EHMT1: variants seen among roughly 807,000 people sequenced by gnomAD.
EHMT1 encodes euchromatic histone lysine methyltransferase 1, also known as histone-lysine N-methyltransferase EHMT1.
EHMT1 carries 15 observed loss-of-function variants against 147.2 expected under a neutral mutation model. The ratio of observed to expected loss-of-function variants is 0.10; its 90% confidence interval spans 0.07 to 0.16. The LOEUF (loss-of-function observed/expected upper bound fraction) is 0.16. Ranked by LOEUF, EHMT1 falls within the 10% of genes least tolerant of loss-of-function variation. The probability of loss-of-function intolerance (pLI) is 1.00; values close to 1 mark genes in which losing one functional copy is unlikely to be tolerated. For missense variants in EHMT1, 1,587 were observed against 1,772.4 expected (o/e 0.90, Z 1.88); for synonymous variants, 795 against 709.6 (o/e 1.12, Z -1.91).
At chr9:137,743,625 G>A (rs1052448585) in intron 5 of EHMT1, 97 bp downstream of exon 5, 10 of 1,562,482 alleles carry the variant, frequency 6.4e-6, no homozygotes, top group African/African-American at 1.4e-5. Context: ...CTCAGTCCCC[G>A]GGAAGGTGCC....
At chr9:137,700,737 T>C (rs1336518267) in intron 1 of EHMT1, among the ~76,000 whole-genome samples, 1 of 152,330 alleles carries the variant, frequency 6.6e-6, no homozygotes, top group East Asian at 1.9e-4. Context: ...GCTGTGACAT[T>C]GATGAGAATC....
intron 15 of EHMT1, chr9:137,784,199 C>G (rs1222203363): frequency 1.3e-6 from 2 of 1,550,196 alleles, no homozygotes; most frequent in Admixed American, 3.9e-5. Context: ...AGGAACCACG[C>G]CAAGAGGAAG....
chr9:137,683,889 G>A (rs1942193140), intron 1 of EHMT1, among the ~76,000 whole-genome samples: 1 of 151,632 alleles, frequency 6.6e-6, no homozygotes, highest in Non-Finnish European at 1.5e-5. Context: ...CACCCCCGCA[G>A]CTTGTATTGT....
intron 25 of EHMT1, chr9:137,834,130 C>T (rs1956424761): frequency 3.2e-6 from 2 of 627,726 alleles, no homozygotes; most frequent in Non-Finnish European, 2.8e-6. Flanking sequence ...GACGGAGGCC[C>T]AGCGAGGACG....
At chr9:137,810,290 T>TGGACCGTCGGTGATGGGTCC (rs1588841106) in intron 18 of EHMT1, among the ~76,000 whole-genome samples, 8 of 152,332 alleles carry the variant, frequency 5.3e-5, no homozygotes, top group South Asian at 2.1e-4. Flanking sequence ...CCGCCCTGCG[T>TGGACCGTCGGTGATGGGTCC]GAAAGGCGCT....
intron 10 of EHMT1, chr9:137,763,225 G>A (rs1210484553): frequency 7.9e-6 from 3 of 379,358 alleles, no homozygotes; most frequent in South Asian, 2.9e-5. Context: ...GCCGGGCCTC[G>A]GCCACCTCCC....
At chr9:137,716,557 A>AGTGGTG in intron 2 of EHMT1, 69 bp from the exon 3 acceptor site, 1 of 1,420,054 alleles carries the variant, frequency 7.0e-7, no homozygotes, top group Non-Finnish European at 9.5e-7. Context: ...TGGGGGAGGA[A>AGTGGTG]GTGGTGGTGG....
At chr9:137,819,683 A>G (rs1001183599) in intron 25 of EHMT1, among the ~76,000 whole-genome samples, 1 of 148,052 alleles carries the variant, frequency 6.8e-6, no homozygotes, top group Non-Finnish European at 1.5e-5. Context: ...GAGACTGTAA[A>G]GAGGCTGAGG....
At chr9:137,724,228 C>T (rs1946367429) in intron 3 of EHMT1, among the ~76,000 whole-genome samples, 1 of 152,210 alleles carries the variant, frequency 6.6e-6, no homozygotes. Context: ...AGAAGTGCTG[C>T]TAAGTGTCCT....
At chr9:137,715,832 A>G (rs936300043) in intron 2 of EHMT1, 40 of 985,188 alleles carry the variant, frequency 4.1e-5, no homozygotes, top group Admixed American at 2.5e-4. Flanking sequence ...CTTGTTTTCT[A>G]TCTCCAAATA....
intron 1 of EHMT1, among the ~76,000 whole-genome samples, chr9:137,665,381 C>T (rs1378535687): frequency 1.3e-5 from 2 of 152,140 alleles, no homozygotes. Flanking sequence ...GTGCTCGAAC[C>T]TGCGTCGTGC....
At chr9:137,802,385 A>T (rs1434919095) in intron 18 of EHMT1, 1 of 398,580 alleles carries the variant, frequency 2.5e-6, no homozygotes, top group African/African-American at 2.1e-5. Flanking sequence ...GCTGTAGCCC[A>T]CAGAGCTGTG....
At position 137,779,434 on chromosome 9, in the gene EHMT1, G is replaced by A. The variant is rs1379495250; in HGVS notation, c.2193-201G>A. On this transcript the variant is annotated intron_variant, in intron 13 of 26. Coordinates refer to ENST00000460843, the MANE Select transcript of EHMT1 (RefSeq NM_024757.5). ...CGCAGTTTTTACCATGAGATATCTC[G>A]ACTGGTGGGTTTGCACTTGAGCTTG... Among the ~76,000 whole-genome samples the A allele has an allele frequency of 5.3e-5, 8 of 152,250 alleles. No individual in the cohort carries two copies. The East Asian group carries it at 1.3e-3, about 26-fold the overall frequency.
chr9:137,792,442 C>T (rs919532551), intron 16 of EHMT1, among the ~76,000 whole-genome samples: 18 of 152,132 alleles, frequency 1.2e-4, no homozygotes. Flanking sequence ...TGGTGGCTCA[C>T]GCCTGTAATC....
intron 5 of EHMT1, among the ~76,000 whole-genome samples, 154 bp from the exon 6 acceptor site, chr9:137,743,748 G>T (rs1948310586): frequency 6.6e-6 from 1 of 152,184 alleles, no homozygotes; most frequent in Non-Finnish European, 1.5e-5. Flanking sequence ...TGTCTGCCGG[G>T]CTCTTCTCCA....
chr9:137,801,363 C>G (rs986636258), intron 18 of EHMT1, among the ~76,000 whole-genome samples: 4 of 152,212 alleles, frequency 2.6e-5, no homozygotes, highest in Non-Finnish European at 5.9e-5. Flanking sequence ...GCTCTGTCGC[C>G]CAGGCTAGAG....
intron 18 of EHMT1, among the ~76,000 whole-genome samples, chr9:137,808,644 A>G (rs1954152306): frequency 8.6e-6 from 1 of 116,916 alleles, no homozygotes; most frequent in Non-Finnish European, 1.6e-5. Flanking sequence ...TGTGAACTGG[A>G]AGCTCTCAAA....
In EHMT1 at chr9:137,811,341, G is replaced by A. The variant is rs1588846068; in HGVS notation, c.2713-120G>A. 10 of 1,416,018 alleles carry A rather than the reference G, an allele frequency of 7.1e-6. No homozygotes were observed. The East Asian group carries it at 9.3e-5, about 13-fold the overall frequency. 87.7% of individuals were successfully genotyped at this position (1,416,018 alleles called of 1,614,324 possible). A position where few individuals can be genotyped will look rare whatever the true frequency, so the allele number is the denominator to read the frequency against. ...ACCCTTTCCACCTGGCCCTGCTGCG[G>A]ACGGCCACGCATGCTCCAGAGCCTC... On this transcript the variant is annotated intron_variant, in intron 18 of 26. Coordinates refer to ENST00000460843, the MANE Select transcript of EHMT1 (RefSeq NM_024757.5).
At chr9:137,798,740 G>T in intron 16 of EHMT1, 73 bp from the exon 17 acceptor site, 2 of 1,247,606 alleles carry the variant, frequency 1.6e-6, no homozygotes, top group South Asian at 1.2e-5. Context: ...GGTTCTCCTG[G>T]ATCCCGCACT....
Sources: allele counts gnomAD v4.1 joint callset (sites outside exome capture counted in the v4.1 genomes callset), GRCh38; gene constraint gnomAD v4.1.1; transcripts MANE v1.5; gene names NCBI Gene and HGNC (gene_info 2026-07-23, HGNC 2026-07-21).